CSDC2: variants seen among roughly 807,000 people sequenced by gnomAD.
CSDC2 encodes cold shock domain-containing protein C2.
In CSDC2, 8 loss-of-function variants were observed where a neutral mutation model predicts 15.8. The observed-to-expected ratio is 0.51, with a 90% CI of 0.30 to 0.92. The LOEUF is 0.92. CSDC2 is among the 40% of genes least tolerant of loss of function. The probability of loss-of-function intolerance (pLI) is 0.07; values close to 1 mark genes in which losing one functional copy is unlikely to be tolerated. For missense variants in CSDC2, 195 were observed against 213.3 expected (o/e 0.91, Z 0.53); for synonymous variants, 96 against 92.3 (o/e 1.04, Z -0.23).
intron 3 of CSDC2, among the ~76,000 whole-genome samples, chr22:41,574,100 G>A (rs78404259): frequency 0.042 from 6,440 of 152,276 alleles, 209 homozygotes; most frequent in South Asian, 0.091. Flanking sequence ...CCAGGAGGTA[G>A]AGATGGATAT....
intron 1 of CSDC2, among the ~76,000 whole-genome samples, chr22:41,565,185 T>C (rs9611612): frequency 0.28 from 39,489 of 142,194 alleles, 6,014 homozygotes; most frequent in Admixed American, 0.46. Flanking sequence ...GGTGCGGTGG[T>C]TTACGCCTTT....
intron 1 of CSDC2, among the ~76,000 whole-genome samples, chr22:41,570,559 G>T (rs528018333): frequency 3.9e-5 from 6 of 152,128 alleles, no homozygotes; most frequent in Admixed American, 3.3e-4. Context: ...GGAGGCCACA[G>T]GCCTGTAACC....
chr22:41,566,852 G>A lies in CSDC2; in HGVS notation c.-123-4991G>A, dbSNP rs556662132. Among the ~76,000 whole-genome samples, 9 of 151,048 alleles carry A rather than the reference G, an allele frequency of 6.0e-5. 1 individual carries two copies. Among genetic ancestry groups the A allele is most frequent in the South Asian group, 4.2e-4 (2 of 4,752 alleles). On this transcript the variant is annotated intron_variant, in intron 1 of 3. Coordinates refer to ENST00000306149, the MANE Select transcript of CSDC2 (RefSeq NM_014460.4). ...TGAGGCAGGAGAAAGGCGTGAACCC[G>A]GGAGGCGGAGCTTGCAGTGAGCCAA...
intron 1 of CSDC2, among the ~76,000 whole-genome samples, chr22:41,569,981 T>C (rs1199669435): frequency 1.3e-5 from 2 of 151,990 alleles, no homozygotes; most frequent in East Asian, 3.9e-4. Context: ...GGTTTCACCA[T>C]GTTGGCCAGG....
intron 1 of CSDC2, among the ~76,000 whole-genome samples, chr22:41,562,258 CTG>C (rs2067090357): frequency 2.0e-5 from 3 of 152,082 alleles, no homozygotes; most frequent in Non-Finnish European, 4.4e-5. Context: ...TTTCCCAAAC[CTG>C]ACTCCATCCC....
intron 1 of CSDC2, among the ~76,000 whole-genome samples, chr22:41,571,302 C>T (rs141860711): frequency 6.6e-6 from 1 of 152,144 alleles, no homozygotes; most frequent in African/African-American, 2.4e-5. Flanking sequence ...TGCAGTGAGC[C>T]GAGATCGTGC....
chr22:41,574,574 G>A (rs967057217), intron 3 of CSDC2, among the ~76,000 whole-genome samples, 159 bp from the exon 4 acceptor site: 3 of 152,182 alleles, frequency 2.0e-5, no homozygotes, highest in Non-Finnish European at 4.4e-5. Flanking sequence ...CATGAGTCCC[G>A]TTTTACAGAT....
In CSDC2 at chr22:41,571,997, T is replaced by C; in HGVS notation, c.32T>C (p.Val11Ala). The C allele has an allele frequency of 7.3e-7, 1 of 1,363,294 alleles. No individual in the cohort carries two copies. The allele number at this position is 1,363,294 out of a possible 1,614,324, so 84.4% of individuals were successfully genotyped here. MTSESTSPPV[V>A]PPLHSPKSPV... ...TCAGAGTCGACGTCACCCCCAGTTG[T>C]GCCCCCGCTCCACTCCCCCAAGTCC... The change falls in exon 2 of 4, where the codon GTG (valine) becomes GCG (alanine). Residue 11 changes from valine to alanine, a missense_variant. Physicochemically the swap from Val to Ala is moderately conservative, Grantham distance 64. Transcript: ENST00000306149.
chr22:41,561,505 C>A (rs944667777), intron 1 of CSDC2, among the ~76,000 whole-genome samples: 1 of 152,146 alleles, frequency 6.6e-6, no homozygotes, highest in African/African-American at 2.4e-5. Flanking sequence ...TGGGAAGCAG[C>A]GGGAGAGAGG....
chr22:41,566,230 G>C lies in CSDC2; in HGVS notation c.-124+5047G>C, dbSNP rs550788536. On this transcript the variant is annotated intron_variant, in intron 1 of 3. Transcript: ENST00000306149. The stretch of plus-strand genomic sequence containing the variant: ...GGAAGCTGAGGTGGGCGGATCATGA[G>C]GTTGGGAGATCAAGACCATCCTGGC... Among the ~76,000 whole-genome samples the C allele has an allele frequency of 7.3e-5, 11 of 151,700 alleles. No individual in the cohort carries two copies. The East Asian group carries it at 2.1e-3, about 29-fold the overall frequency.
In CSDC2 at chr22:41,561,181, G is replaced by A. The variant is rs1215927985; in HGVS notation, c.-126G>A. 2.6e-5 allele frequency: 4 copies of A among 152,744 alleles called. No individual in the cohort carries two copies. In the East Asian group the frequency reaches 7.7e-4, roughly 29 times the overall value. The allele number at this position is 152,744 out of a possible 1,614,324, so 9.5% of individuals were successfully genotyped here. A position where few individuals can be genotyped will look rare whatever the true frequency, so the allele number is the denominator to read the frequency against. On this transcript the variant is annotated splice_region_variant and 5_prime_UTR_variant, in exon 1 of 4. Coordinates refer to ENST00000306149, the MANE Select transcript of CSDC2 (RefSeq NM_014460.4). ...GTGCCTGGACCCCAGCTGCCCAGGA[G>A]AGGTGAGGGGCTAGATGGGGCCTGA...
In CSDC2 at chr22:41,575,051, G is replaced by A; in HGVS notation, c.*156G>A. The A allele has an allele frequency of 3.2e-6, 3 of 927,710 alleles. 1 individual carries two copies. Among genetic ancestry groups the A allele is most frequent in the Admixed American group, 5.3e-5 (2 of 38,018 alleles). The allele number at this position is 927,710 out of a possible 1,614,324, so 57.5% of individuals were successfully genotyped here. A position where few individuals can be genotyped will look rare whatever the true frequency, so the allele number is the denominator to read the frequency against. ...TCCGTCTGTGCTTGTGGCTATGAGC[G>A]TGTGCCTCCACCCACCCCACGACCC... On this transcript the variant is annotated 3_prime_UTR_variant, in exon 4 of 4. Transcript: ENST00000306149.
At chr22:41,573,806 G>A (rs768455952) in intron 3 of CSDC2, 29 bp downstream of exon 3, 1 of 1,600,030 alleles carries the variant, frequency 6.2e-7, no homozygotes, top group South Asian at 1.1e-5. Context: ...CCTGTTCTTG[G>A]CCCCTGCCCT....
chr22:41,565,890 G>A (rs150817206), intron 1 of CSDC2, among the ~76,000 whole-genome samples: 13 of 152,326 alleles, frequency 8.5e-5, no homozygotes, highest in East Asian at 3.8e-4. Context: ...ACTCAGGGCC[G>A]GGGGACAGGG....
chr22:41,573,563 G>GGCAC (rs2145602179), intron 2 of CSDC2, 92 bp from the exon 3 acceptor site: 1 of 1,470,094 alleles, frequency 6.8e-7, no homozygotes, highest in African/African-American at 1.4e-5. Context: ...ACAGCCCTGA[G>GGCAC]GCACGCTCAG....
At chr22:41,570,075 C>T (rs1473457735) in intron 1 of CSDC2, among the ~76,000 whole-genome samples, 2 of 151,756 alleles carry the variant, frequency 1.3e-5, no homozygotes, top group Non-Finnish European at 2.9e-5. Flanking sequence ...CCACCACACC[C>T]GGCTGTTTGT....
rs142031815 is a variant in CSDC2 at position 41,572,064 on chromosome 22, G to C, written c.99G>C (p.Arg33Ser). Residue 33 changes from arginine to serine, a missense_variant, in exon 2 of 4, where the codon AGG (arginine) becomes AGC (serine). Transcript: ENST00000306149. Reference protein sequence around the residue: ...PTFPFHREGSRVWERGGVPPR... With the variant: ...PTFPFHREGSSVWERGGVPPR... ...TCCCCTTCCACAGGGAGGGCAGCAG[G>C]GTCTGGGAGCGGGGTGGTGTCCCAC... The C allele has an allele frequency of 8.2e-5, 112 of 1,363,014 alleles. No homozygotes were observed. The African/African-American group carries it at 1.5e-3, about 18-fold the overall frequency. The allele number at this position is 1,363,014 out of a possible 1,614,324, so 84.4% of individuals were successfully genotyped here.
intron 1 of CSDC2, among the ~76,000 whole-genome samples, chr22:41,563,398 C>T (rs1296491700): frequency 2.6e-5 from 4 of 152,172 alleles, no homozygotes; most frequent in Non-Finnish European, 2.9e-5. Flanking sequence ...GCCCTTCCAG[C>T]GTCATCCTTG....
At chr22:41,571,085 G>T (rs2067143391) in intron 1 of CSDC2, among the ~76,000 whole-genome samples, 1 of 152,014 alleles carries the variant, frequency 6.6e-6, no homozygotes, top group African/African-American at 2.4e-5. Context: ...GGACGAGTTG[G>T]CTCATGCCTG....
Sources: allele counts gnomAD v4.1 joint callset (sites outside exome capture counted in the v4.1 genomes callset), GRCh38; gene constraint gnomAD v4.1.1; transcripts MANE v1.5; gene names NCBI Gene and HGNC (gene_info 2026-07-23, HGNC 2026-07-21).